Variants in BBOX1 observed in about 807,000 individuals in gnomAD.
BBOX1 encodes the protein gamma-butyrobetaine hydroxylase 1.
A neutral mutation model predicts 41.6 loss-of-function variants in BBOX1; 35 were observed. The observed-to-expected ratio is 0.84, with a 90% CI of 0.64 to 1.11. The LOEUF (loss-of-function observed/expected upper bound fraction) is 1.11. Ranked by LOEUF, BBOX1 falls within the 50% of genes most tolerant of loss-of-function variation. The pLI is 0.00. For synonymous variants in BBOX1, 163 were observed against 154.7 expected, an observed-to-expected ratio of 1.05 and a Z score of -0.40; for missense variants, 458 against 460.6, an observed-to-expected ratio of 0.99 and a Z score of 0.05.
At chr11:27,094,099 T>C (rs1415102596) in intron 5 of BBOX1, among the ~76,000 whole-genome samples, 1 of 151,938 alleles carries the variant, frequency 6.6e-6, no homozygotes, top group African/African-American at 2.4e-5. Context: ...AAGATAAAAC[T>C]AACATTCATA....
chr11:27,124,096 TG>T (rs1350883787), intron 7 of BBOX1, among the ~76,000 whole-genome samples: 1 of 152,168 alleles, frequency 6.6e-6, no homozygotes, highest in Non-Finnish European at 1.5e-5. Context: ...TGTACTTCAC[TG>T]TCAATGGCAT....
chr11:27,114,346 C>T (rs946720202), intron 5 of BBOX1, among the ~76,000 whole-genome samples: 2 of 151,608 alleles, frequency 1.3e-5, no homozygotes, highest in Non-Finnish European at 2.9e-5. Flanking sequence ...GTCTACAATC[C>T]CTACCAATAT....
intron 2 of BBOX1, among the ~76,000 whole-genome samples, chr11:27,044,840 G>A (rs1483732251): frequency 1.3e-5 from 2 of 152,158 alleles, no homozygotes; most frequent in Admixed American, 6.5e-5. Flanking sequence ...TGGCCTTGTA[G>A]TATAGTCTGA....
intron 5 of BBOX1, among the ~76,000 whole-genome samples, chr11:27,110,944 C>T (rs539188746): frequency 6.6e-6 from 1 of 151,934 alleles, no homozygotes; most frequent in African/African-American, 2.4e-5. Context: ...TTAAACATGG[C>T]CTCCTTTCAA....
chr11:27,110,009 A>T (rs1858999930), intron 5 of BBOX1, among the ~76,000 whole-genome samples: 2 of 152,030 alleles, frequency 1.3e-5, no homozygotes, highest in Non-Finnish European at 2.9e-5. Flanking sequence ...TTATATAGTG[A>T]ATCTTAATAA....
At chr11:27,078,635 A>G (rs910724460) in intron 4 of BBOX1, among the ~76,000 whole-genome samples, 2 of 152,200 alleles carry the variant, frequency 1.3e-5, no homozygotes, top group African/African-American at 2.4e-5. Flanking sequence ...AACAAGAAGA[A>G]CACGTGGACA....
intron 2 of BBOX1, among the ~76,000 whole-genome samples, chr11:27,054,238 T>TGTGTGTGC (rs1262997248): frequency 1.4e-5 from 2 of 139,076 alleles, no homozygotes; most frequent in African/African-American, 5.2e-5. Context: ...TGTGTGTGCG[T>TGTGTGTGC]GCACATGTGT....
chr11:27,119,533 T>C, intron 6 of BBOX1, 116 bp from the exon 7 acceptor site: 1 of 621,476 alleles, frequency 1.6e-6, no homozygotes, highest in Non-Finnish European at 2.2e-6. Flanking sequence ...TAACACAGTA[T>C]CAAAAAATGG....
rs565448145 is a variant in BBOX1, at chr11:27,082,976, G to T, written c.335-10192G>T. On this transcript the variant is annotated intron_variant, in intron 4 of 8. Coordinates refer to ENST00000263182, the MANE Select transcript of BBOX1 (RefSeq NM_003986.3). The stretch of plus-strand genomic sequence containing the variant: ...CTGGTCATAGGACTGAGCATACAGA[G>T]TATGTCAGGTTACTAACAGTCCAAC... Among the ~76,000 whole-genome samples the T allele has an allele frequency of 2.0e-5, 3 of 152,194 alleles. No individual in the cohort carries two copies. In the East Asian group the frequency reaches 5.8e-4, roughly 29 times the overall value.
At position 27,085,297 on chromosome 11, in the gene BBOX1, G is replaced by A. The variant is rs74687225; in HGVS notation, c.335-7871G>A. On this transcript the variant is annotated intron_variant, in intron 4 of 8. Coordinates refer to ENST00000263182, the MANE Select transcript of BBOX1 (RefSeq NM_003986.3). ...ATTTTTTACAAATTGAAGGCTTGTAGCAACACGCAAGCAAGTCTATCAGCA... is the reference window on the plus strand; with the variant it reads ...ATTTTTTACAAATTGAAGGCTTGTAACAACACGCAAGCAAGTCTATCAGCA... Among the ~76,000 whole-genome samples, 330 of 152,220 alleles carry A rather than the reference G, an allele frequency of 2.2e-3. 1 individual carries two copies. The highest frequency in any genetic ancestry group is 7.5e-3 in the African/African-American group (312 of 41,564).
chr11:27,103,900 G>C (rs147047564), intron 5 of BBOX1, among the ~76,000 whole-genome samples: 1 of 151,884 alleles, frequency 6.6e-6, no homozygotes, highest in Non-Finnish European at 1.5e-5. Flanking sequence ...CGTTAAACTT[G>C]TTTTCCTTAA....
At chr11:27,064,004 T>C (rs1018923854) in intron 4 of BBOX1, among the ~76,000 whole-genome samples, 1 of 152,200 alleles carries the variant, frequency 6.6e-6, no homozygotes, top group Non-Finnish European at 1.5e-5. Flanking sequence ...AAATCTTGTG[T>C]GTTTTTCTTA....
At chr11:27,051,634 G>A (rs1475348680) in intron 2 of BBOX1, among the ~76,000 whole-genome samples, 2 of 151,798 alleles carry the variant, frequency 1.3e-5, no homozygotes, top group African/African-American at 2.4e-5. Context: ...TCTCTTATGA[G>A]CTTTTGTATT....
At chr11:27,117,164 C>T (rs937242645) in intron 6 of BBOX1, among the ~76,000 whole-genome samples, 2 of 151,904 alleles carry the variant, frequency 1.3e-5, no homozygotes, top group Non-Finnish European at 1.5e-5. Context: ...TGTGAAATAA[C>T]CACATAGAAA....
intron 8 of BBOX1, among the ~76,000 whole-genome samples, chr11:27,126,414 G>T (rs1441363556): frequency 6.6e-6 from 1 of 152,074 alleles, no homozygotes; most frequent in African/African-American, 2.4e-5. Context: ...ACATTATAGG[G>T]GGAAAAAATA....
rs1411407985 is a variant in BBOX1, at chr11:27,125,640, T to C, written c.837-14T>C. ...TCATGAATTATATATTAATTTTTTC[T>C]CTTAATAAAACAGGTTAGATGATAA... On this transcript the variant is annotated splice_polypyrimidine_tract_variant and intron_variant, in intron 7 of 8. Transcript: ENST00000263182. 2.0e-6 allele frequency: 3 copies of C among 1,486,346 alleles called. No homozygotes were observed. The highest frequency in any genetic ancestry group is 1.8e-6 in the Non-Finnish European group (2 of 1,113,892). 92.1% of individuals were successfully genotyped at this position (1,486,346 alleles called of 1,614,324 possible). A position where few individuals can be genotyped will look rare whatever the true frequency, so the allele number is the denominator to read the frequency against.
At chr11:27,066,544 AGC>A (rs1303290745) in intron 4 of BBOX1, 8 of 96,958 alleles carry the variant, frequency 8.3e-5, no homozygotes, top group South Asian at 4.7e-4. Flanking sequence ...AGAATTACAC[AGC>A]GTTAGGTTTG....
intron 5 of BBOX1, among the ~76,000 whole-genome samples, chr11:27,103,259 T>C (rs1425717994): frequency 2.6e-5 from 4 of 152,320 alleles, no homozygotes; most frequent in Middle Eastern, 3.4e-3. Flanking sequence ...AGTAATTTCA[T>C]AGACTATGTC....
At chr11:27,108,816 CTT>C (rs962480972) in intron 5 of BBOX1, among the ~76,000 whole-genome samples, 9 of 152,120 alleles carry the variant, frequency 5.9e-5, no homozygotes, top group African/African-American at 1.9e-4. Context: ...GTGAGAAACT[CTT>C]TTTCTCATTA....
Sources: gnomAD v4.1 joint callset for allele counts (sites outside exome capture counted in the v4.1 genomes callset) on GRCh38, gnomAD v4.1.1 for gene constraint, MANE v1.5 for transcripts, NCBI Gene and HGNC (gene_info 2026-07-23, HGNC 2026-07-21) for gene names.